Variants in GRIK2 observed in about 807,000 individuals in gnomAD.
The protein encoded by GRIK2 is glutamate receptor ionotropic, kainate 2.
A neutral mutation model predicts 100.3 loss-of-function variants in GRIK2; 32 were observed. The ratio of observed to expected loss-of-function variants is 0.32; its 90% CI spans 0.24 to 0.43. GRIK2 has a LOEUF of 0.43. Ranked by LOEUF, GRIK2 falls within the 20% of genes least tolerant of loss-of-function variation. The probability of loss-of-function intolerance (pLI) is 1.00; values close to 1 mark genes in which losing one functional copy is unlikely to be tolerated. For missense variants in GRIK2, 843 were observed against 1,114.9 expected, an observed-to-expected ratio of 0.76 and a Z score of 3.47; for synonymous variants, 417 against 389.4, an observed-to-expected ratio of 1.07 and a Z score of -0.83.
intron 14 of GRIK2, among the ~76,000 whole-genome samples, chr6:101,941,444 G>T (rs992128916): frequency 4.6e-5 from 7 of 151,734 alleles, no homozygotes; most frequent in African/African-American, 1.7e-4. Context: ...TATTAAACTG[G>T]TCATTATCAA....
At chr6:101,757,507 G>A (rs946645055) in intron 7 of GRIK2, among the ~76,000 whole-genome samples, 3 of 152,030 alleles carry the variant, frequency 2.0e-5, no homozygotes, top group African/African-American at 7.3e-5. Context: ...GTTTACAGTG[G>A]GAATACATTT....
At chr6:102,009,767 A>T (rs749964321) in intron 14 of GRIK2, among the ~76,000 whole-genome samples, 1 of 152,138 alleles carries the variant, frequency 6.6e-6, no homozygotes, top group Non-Finnish European at 1.5e-5. Context: ...TATGAGATAC[A>T]TGGACACACT....
intron 2 of GRIK2, among the ~76,000 whole-genome samples, chr6:101,428,204 G>A (rs72957642): frequency 0.046 from 6,941 of 152,264 alleles, 168 homozygotes; most frequent in Non-Finnish European, 0.059. Context: ...ACAAAAATCT[G>A]GAGTTCCCTT....
intron 2 of GRIK2, among the ~76,000 whole-genome samples, chr6:101,447,143 T>C (rs925731321): frequency 6.6e-6 from 1 of 151,258 alleles, no homozygotes; most frequent in Non-Finnish European, 1.5e-5. Context: ...TAATAATAGC[T>C]TTCTAAAGCA....
intron 7 of GRIK2, among the ~76,000 whole-genome samples, chr6:101,780,013 TCTAA>T (rs1312524335): frequency 1.3e-5 from 2 of 152,188 alleles, no homozygotes; most frequent in South Asian, 4.1e-4. Context: ...CACAGATTTA[TCTAA>T]CTATCTCATA....
chr6:101,787,075 A>G lies in GRIK2; in HGVS notation c.952-12573A>G, dbSNP rs575527453. 2.6e-5 allele frequency among the ~76,000 whole-genome samples: 4 copies of G among 151,908 alleles called. No individual in the cohort carries two copies. The East Asian group carries it at 5.8e-4, about 22-fold the overall frequency. On this transcript the variant is annotated intron_variant, in intron 7 of 16. Coordinates refer to ENST00000369134, the MANE Select transcript of GRIK2 (RefSeq NM_021956.5). ...GTTGTATGTGTCTAAAAATTTATCCATTTCCTATAAATTTTTGAGTTTGTT... is the reference window on the plus strand; with the variant it reads ...GTTGTATGTGTCTAAAAATTTATCCGTTTCCTATAAATTTTTGAGTTTGTT...
chr6:101,593,093 G>C (rs1562248166), intron 2 of GRIK2, among the ~76,000 whole-genome samples: 1 of 151,892 alleles, frequency 6.6e-6, no homozygotes, highest in African/African-American at 2.4e-5. Flanking sequence ...ATTGCTTCTG[G>C]CATCCTATGG....
chr6:101,763,578 T>C (rs551445166), intron 7 of GRIK2, among the ~76,000 whole-genome samples: 19 of 152,338 alleles, frequency 1.2e-4, no homozygotes, highest in South Asian at 1.0e-3. Flanking sequence ...TGAATTCATC[T>C]CATGCCATTA....
intron 7 of GRIK2, among the ~76,000 whole-genome samples, chr6:101,780,374 G>A (rs1279101964): frequency 1.3e-5 from 2 of 152,026 alleles, no homozygotes; most frequent in Non-Finnish European, 2.9e-5. Flanking sequence ...GGATTTGCCC[G>A]AATCTTATTT....
chr6:101,909,369 G>A (rs559095590), intron 12 of GRIK2, among the ~76,000 whole-genome samples: 23 of 25,874 alleles, frequency 8.9e-4, no homozygotes, highest in Admixed American at 2.7e-3. Context: ...AAGGAAGATA[G>A]GGTTTTCTTT....
rs1774692419 is a variant in GRIK2 at position 101,518,305 on chromosome 6, C to A, written c.116-103644C>A. ...GTGTGATAAAAGCAAAAAGTACTTT[C>A]CTTAGTTAAAAAGATGAAAATGGCT... On this transcript the variant is annotated intron_variant, in intron 2 of 16. Coordinates refer to ENST00000369134, the MANE Select transcript of GRIK2 (RefSeq NM_021956.5). Among the ~76,000 whole-genome samples, 3 of 152,074 alleles carry A rather than the reference C, an allele frequency of 2.0e-5. No homozygotes were observed. The South Asian group carries it at 6.2e-4, about 32-fold the overall frequency.
intron 2 of GRIK2, among the ~76,000 whole-genome samples, chr6:101,512,141 A>G (rs923865536): frequency 7.9e-5 from 12 of 151,790 alleles, no homozygotes; most frequent in African/African-American, 2.4e-4. Flanking sequence ...TATTAATTAT[A>G]TACCTGTTCT....
At chr6:101,768,142 A>T (rs1778151389) in intron 7 of GRIK2, among the ~76,000 whole-genome samples, 1 of 152,194 alleles carries the variant, frequency 6.6e-6, no homozygotes, top group Non-Finnish European at 1.5e-5. Flanking sequence ...TACAGGCATG[A>T]GCCACTACAC....
intron 2 of GRIK2, among the ~76,000 whole-genome samples, chr6:101,429,526 G>C (rs1309458147): frequency 3.3e-5 from 5 of 152,070 alleles, no homozygotes. Context: ...TTAGTACCAA[G>C]AGCCTAAAAA....
At chr6:102,062,584 C>CT (rs985434819) in intron 16 of GRIK2, among the ~76,000 whole-genome samples, 8 of 150,384 alleles carry the variant, frequency 5.3e-5, no homozygotes, top group East Asian at 1.9e-4. Context: ...AATAATAAAA[C>CT]TTTTTTTTAA....
chr6:101,414,983 T>G (rs1776060352), intron 2 of GRIK2, among the ~76,000 whole-genome samples: 1 of 146,900 alleles, frequency 6.8e-6, no homozygotes, highest in Non-Finnish European at 1.5e-5. Flanking sequence ...TGGTGTGTGG[T>G]GTGTATATGT....
At chr6:101,681,404 A>G (rs559579607) in intron 5 of GRIK2, among the ~76,000 whole-genome samples, 23 of 111,944 alleles carry the variant, frequency 2.1e-4, no homozygotes, top group African/African-American at 6.8e-4. Context: ...TTTCTTTTCT[A>G]TTTTTTTTTT....
Position 101,477,493 on chromosome 6 carries a change from C to T in GRIK2, c.115+78101C>T, listed in dbSNP as rs144699343. On this transcript the variant is annotated intron_variant, in intron 2 of 16. Transcript: ENST00000369134. The stretch of plus-strand genomic sequence containing the variant: ...TAGCTGTTCTTTGATTGGGTGGCTA[C>T]GATGAAACATGGGAGTCAGGGCAGA... 1.0e-3 allele frequency among the ~76,000 whole-genome samples: 152 copies of T among 152,100 alleles called. 1 individual carries two copies. In the East Asian group the frequency reaches 0.025, roughly 25 times the overall value.
intron 2 of GRIK2, among the ~76,000 whole-genome samples, chr6:101,499,980 C>A (rs1367675672): frequency 1.3e-5 from 2 of 152,028 alleles, no homozygotes; most frequent in Non-Finnish European, 2.9e-5. Context: ...TTATAGGTGT[C>A]ATTTATGTTA....
Sources: allele counts gnomAD v4.1 joint callset (sites outside exome capture counted in the v4.1 genomes callset), GRCh38; gene constraint gnomAD v4.1.1; transcripts MANE v1.5; gene names NCBI Gene and HGNC (gene_info 2026-07-23, HGNC 2026-07-21).